The following MUC3A variants were observed in gnomAD, a reference collection of about 807,000 sequenced individuals.
The protein encoded by MUC3A is mucin 3A, cell surface associated.
In MUC3A, 109 loss-of-function variants were observed where a neutral mutation model predicts 109.0. That is an observed-to-expected ratio of 1.00 (90% confidence interval 0.86 to 1.17). The LOEUF (loss-of-function observed/expected upper bound fraction) is 1.17, where lower values mean the gene tolerates loss of function less well. Ranked by LOEUF, MUC3A falls within the 50% of genes most tolerant of loss-of-function variation. The probability of loss-of-function intolerance (pLI) is 0.00; values close to 1 mark genes in which losing one functional copy is unlikely to be tolerated. For synonymous variants in MUC3A, 1,398 were observed against 981.4 expected (o/e 1.42, Z -7.93); for missense variants, 3,537 against 2,469.4 (o/e 1.43, Z -9.16).
At position 100,967,719 on chromosome 7, in the gene MUC3A, A is replaced by G; in HGVS notation, c.*557A>G. ...TGCATCTCTTGCTCTCATTCCTTAGACGTCCTCCCCTTTTGACCCCGTTCC... is the reference window on the plus strand; with the variant it reads ...TGCATCTCTTGCTCTCATTCCTTAGGCGTCCTCCCCTTTTGACCCCGTTCC... On this transcript the variant is annotated 3_prime_UTR_variant, in exon 12 of 12. Coordinates refer to ENST00000379458, the MANE Select transcript of MUC3A (RefSeq NM_005960.2). 1 of 191,238 alleles carries G rather than the reference A, an allele frequency of 5.2e-6. No homozygotes were observed. Among genetic ancestry groups the G allele is most frequent in the South Asian group, 1.1e-4 (1 of 9,446 alleles). The allele number at this position is 191,238 out of a possible 1,614,324, so 11.8% of individuals were successfully genotyped here.
chr7:100,958,237 C>T lies in MUC3A; in HGVS notation c.6458C>T (p.Thr2153Ile). 9 of 1,575,946 alleles carry T rather than the reference C, an allele frequency of 5.7e-6. No homozygotes were observed. The highest frequency in any genetic ancestry group is 2.8e-5 in the African/African-American group (2 of 70,814). The stretch of plus-strand genomic sequence containing the variant: ...ACTTCTTCAATCACCACCACCGAGA[C>T]CACATCCCACAGTACTCCCAGCTTC... ...NFTSSITTTETTSHSTPSFTS... is the reference protein window; with the variant it reads ...NFTSSITTTEITSHSTPSFTS... Residue 2153 changes from threonine (T) to isoleucine (I), a missense_variant, in exon 2 of 12, where the codon ACC (threonine) becomes ATC (isoleucine). By Grantham distance (89) the Thr-to-Ile change is moderately conservative (BLOSUM62 -1). Coordinates refer to ENST00000379458, the MANE Select transcript of MUC3A (RefSeq NM_005960.2).
At position 100,965,859 on chromosome 7, in the gene MUC3A, A is replaced by AC; in HGVS notation, c.9605dup (p.Cys3203ValfsTer74). The AC allele has an allele frequency of 6.3e-7, 1 of 1,594,130 alleles. No individual in the cohort carries two copies. Among genetic ancestry groups the AC allele is most frequent in the Admixed American group, 1.7e-5 (1 of 59,728 alleles). On this transcript the variant is annotated frameshift_variant, in exon 8 of 12. Coordinates refer to ENST00000379458, the MANE Select transcript of MUC3A (RefSeq NM_005960.2). LOFTEE classifies it high-confidence loss of function. ...GTGCGTTCTGGAGACGAGCGGTCCC[A>AC]CGTGTCGGTAAGGCCCCGCTCACCA...
rs1453912468 is a variant in MUC3A at position 100,949,695 on chromosome 7, A to G, written c.61+10A>G. 2.0e-6 allele frequency: 3 copies of G among 1,529,834 alleles called. No homozygotes were observed. Among genetic ancestry groups the G allele is most frequent in the East Asian group, 4.8e-5 (2 of 41,928 alleles). 94.8% of individuals were successfully genotyped at this position (1,529,834 alleles called of 1,614,324 possible). A position where few individuals can be genotyped will look rare whatever the true frequency, so the allele number is the denominator to read the frequency against. Reference sequence around the variant, plus strand: ...TCCCCGTGGGCCACAGGTAAGGGGGAGAGGCGGAAGGGGGTTGGAGAAAAG... The same window carrying G: ...TCCCCGTGGGCCACAGGTAAGGGGGGGAGGCGGAAGGGGGTTGGAGAAAAG... On this transcript the variant is annotated intron_variant, in intron 1 of 11. Coordinates refer to ENST00000379458, the MANE Select transcript of MUC3A (RefSeq NM_005960.2).
intron 8 of MUC3A, chr7:100,966,127 C>CTGGGGTGGAGCCCCGCCCCCTT (rs1792536872): frequency 5.5e-6 from 2 of 362,872 alleles, no homozygotes; most frequent in Non-Finnish European, 8.2e-6. Flanking sequence ...CCCGCCTCCT[C>CTGGGGTGGAGCCCCGCCCCCTT]GTTCTAGGGT....
chr7:100,966,230 C>A (rs76159786), intron 8 of MUC3A, 156 bp from the exon 9 acceptor site: 8 of 399,586 alleles, frequency 2.0e-5, no homozygotes, highest in African/African-American at 9.3e-5. Context: ...CCCGGCCCCT[C>A]GTTCTAGGGT....
chr7:100,964,121 G>A, intron 5 of MUC3A: 1 of 399,486 alleles, frequency 2.5e-6, no homozygotes, highest in Non-Finnish European at 4.6e-6. Flanking sequence ...GCGCCCGGTG[G>A]ATGATGGCTT....
Position 100,958,037 on chromosome 7 carries a change from C to A in MUC3A, c.6258C>A (p.Pro2086=), listed in dbSNP as rs1383753044. 695 of 85,610 alleles carry A rather than the reference C, an allele frequency of 8.1e-3. 6 individuals are homozygous for A. Among genetic ancestry groups the A allele is most frequent in the African/African-American group, 0.011 (29 of 2,548 alleles). 5.3% of individuals were successfully genotyped at this position (85,610 alleles called of 1,614,324 possible). A position where few individuals can be genotyped will look rare whatever the true frequency, so the allele number is the denominator to read the frequency against. Reference sequence around the variant, plus strand: ...CCTCAATCACCACCACCGAGACCCCCTCACACAGTACTCTCAGCTTCACTT... The same window carrying A: ...CCTCAATCACCACCACCGAGACCCCATCACACAGTACTCTCAGCTTCACTT... ...YTTSITTTET[P]SHSTLSFTSS... The change falls in exon 2 of 12, where the codon CCC becomes CCA. Residue 2086 remains proline (P), a synonymous_variant. Coordinates refer to ENST00000379458, the MANE Select transcript of MUC3A (RefSeq NM_005960.2).
chr7:100,951,347 G>A (rs1397833910), intron 1 of MUC3A, among the ~76,000 whole-genome samples: 1 of 152,298 alleles, frequency 6.6e-6, no homozygotes, highest in Non-Finnish European at 1.5e-5. Context: ...CCCCCTGCCA[G>A]GACATGGCTG....
chr7:100,960,136 G>A lies in MUC3A; in HGVS notation c.8357G>A (p.Cys2786Tyr), dbSNP rs763254342. ...TIVPASPTDP[C>Y]VEMDPSTEAT... ...GTCCCTGCCTCCCCCACTGATCCATGTGTTGAAATGGATCCCAGCACTGAA... is the reference window on the plus strand; with the variant it reads ...GTCCCTGCCTCCCCCACTGATCCATATGTTGAAATGGATCCCAGCACTGAA... The change falls in exon 2 of 12, where the codon TGT becomes TAT. Residue 2786 changes from cysteine to tyrosine, a missense_variant. Transcript: ENST00000379458. 4.1e-5 allele frequency: 64 copies of A among 1,551,640 alleles called. No individual in the cohort carries two copies. The highest frequency in any genetic ancestry group is 5.5e-5 in the Non-Finnish European group (63 of 1,154,848).
In MUC3A at chr7:100,966,281, C is replaced by T. The variant is rs1330320566; in HGVS notation, c.9612-105C>T. 24 of 909,052 alleles carry T rather than the reference C, an allele frequency of 2.6e-5. No homozygotes were observed. The African/African-American group carries it at 7.4e-4, about 28-fold the overall frequency. The allele number at this position is 909,052 out of a possible 1,614,324, so 56.3% of individuals were successfully genotyped here. ...TGTCTAGGGTGGAACCCCCCGCTGCCCTAGGCTGGAGCCCCGCCCCCTCAC... is the reference window on the plus strand; with the variant it reads ...TGTCTAGGGTGGAACCCCCCGCTGCTCTAGGCTGGAGCCCCGCCCCCTCAC... On this transcript the variant is annotated intron_variant, in intron 8 of 11. Coordinates refer to ENST00000379458, the MANE Select transcript of MUC3A (RefSeq NM_005960.2).
intron 3 of MUC3A, among the ~76,000 whole-genome samples, chr7:100,961,177 G>A (rs13223961): frequency 0.15 from 21,824 of 143,846 alleles, no homozygotes; most frequent in Non-Finnish European, 0.17. Flanking sequence ...GCTGCTTGGA[G>A]CTGTATCAGT....
chr7:100,960,559 C>A lies in MUC3A; in HGVS notation c.8780C>A (p.Thr2927Asn), dbSNP rs1447269162. Residue 2927 changes from threonine (T) to asparagine (N), a missense_variant, in exon 2 of 12, where the codon ACC becomes AAC. Transcript: ENST00000379458. ...ACTTCAGAGACACCAGTGGCCACTA[C>A]CCAGACTCCTACCACCCTTACATCA... ...TRTSETPVAT[T>N]QTPTTLTSRR... 6 of 1,598,626 alleles carry A rather than the reference C, an allele frequency of 3.8e-6. No individual in the cohort carries two copies. The African/African-American group carries it at 8.0e-5, about 21-fold the overall frequency.
rs970460527 is a variant in MUC3A at position 100,953,124 on chromosome 7, A to G, written c.1345A>G (p.Thr449Ala). 2.7e-6 allele frequency: 2 copies of G among 750,136 alleles called. No homozygotes were observed. 46.5% of individuals were successfully genotyped at this position (750,136 alleles called of 1,614,324 possible). ...LSTDIPFTTPTTITHHSVGST... is the reference protein window; with the variant it reads ...LSTDIPFTTPATITHHSVGST... ...TACAGACATCCCTTTCACAACACCA[A>G]CAACTATCACCCACCATTCTGTGGG... The change falls in exon 2 of 12, where the codon ACA (threonine) becomes GCA (alanine). Residue 449 changes from threonine (T) to alanine (A), a missense_variant. Physicochemically the swap from Thr to Ala is moderately conservative, Grantham distance 58. Coordinates refer to ENST00000379458, the MANE Select transcript of MUC3A (RefSeq NM_005960.2).
chr7:100,957,840 C>T lies in MUC3A; in HGVS notation c.6061C>T (p.His2021Tyr). Reference protein sequence around the residue: ...SSITTTETTSHNTPSLTSSIT... With the variant: ...SSITTTETTSYNTPSLTSSIT... ...CATCACCACCACTGAGACCACATCC[C>T]ACAATACTCCCAGCTTGACTTCTTC... Residue 2021 changes from histidine to tyrosine, a missense_variant, in exon 2 of 12, where the codon CAC becomes TAC. Transcript: ENST00000379458. 1 of 761,120 alleles carries T rather than the reference C, an allele frequency of 1.3e-6. No homozygotes were observed. The highest frequency in any genetic ancestry group is 1.9e-5 in the Admixed American group (1 of 52,676). The allele number at this position is 761,120 out of a possible 1,614,324, so 47.1% of individuals were successfully genotyped here. A position where few individuals can be genotyped will look rare whatever the true frequency, so the allele number is the denominator to read the frequency against.
At chr7:100,961,165 G>A (rs1016265224) in intron 3 of MUC3A, among the ~76,000 whole-genome samples, 8 of 152,304 alleles carry the variant, frequency 5.3e-5, no homozygotes, top group African/African-American at 1.9e-4. Flanking sequence ...CTCCTGACTT[G>A]GGCTGCTTGG....
intron 11 of MUC3A, 69 bp from the exon 12 acceptor site, chr7:100,967,052 C>T: frequency 6.3e-7 from 1 of 1,598,480 alleles, no homozygotes; most frequent in South Asian, 1.1e-5. Flanking sequence ...GGGCTCGGAT[C>T]AGCAGTGACC....
In MUC3A at chr7:100,956,981, C is replaced by T. The variant is rs1211711986; in HGVS notation, c.5202C>T (p.Ala1734=). 10 of 433,682 alleles carry T rather than the reference C, an allele frequency of 2.3e-5. No homozygotes were observed. In the East Asian group the frequency reaches 3.4e-4, roughly 15 times the overall value. The allele number at this position is 433,682 out of a possible 1,614,324, so 26.9% of individuals were successfully genotyped here. ...TGQTTFTSST[A]TSPKTTTLTP... ...AGACTACATTCACCAGTTCAACAGC[C>T]ACATCCCCTAAGACCACCACACTGA... The change falls in exon 2 of 12, where the codon GCC becomes GCT. Residue 1734 remains alanine (A), a synonymous_variant. Transcript: ENST00000379458.
At chr7:100,950,695 G>A (rs1048953265) in intron 1 of MUC3A, among the ~76,000 whole-genome samples, 9 of 152,308 alleles carry the variant, frequency 5.9e-5, no homozygotes, top group African/African-American at 1.9e-4. Flanking sequence ...CCGGATCTCT[G>A]ATCCTAACTC....
Position 100,959,932 on chromosome 7 carries a change from G to A in MUC3A, c.8153G>A (p.Ser2718Asn), listed in dbSNP as rs745836869. The change falls in exon 2 of 12, where the codon AGT becomes AAT. Residue 2718 changes from serine to asparagine, a missense_variant. By Grantham distance (46) the Ser-to-Asn change is conservative. Coordinates refer to ENST00000379458, the MANE Select transcript of MUC3A (RefSeq NM_005960.2). ...GTTCCTTCTTCACCATACATTTTCA[G>A]TACAGAAAATGTGGGCTCCGCTTCT... ...HSVPSSPYIFSTENVGSASIT... is the reference protein window; with the variant it reads ...HSVPSSPYIFNTENVGSASIT... The A allele has an allele frequency of 4.0e-6, 6 of 1,511,910 alleles. No individual in the cohort carries two copies. The highest frequency in any genetic ancestry group is 1.3e-5 in the South Asian group (1 of 75,128). The allele number at this position is 1,511,910 out of a possible 1,614,324, so 93.7% of individuals were successfully genotyped here. A position where few individuals can be genotyped will look rare whatever the true frequency, so the allele number is the denominator to read the frequency against.
Sources: allele counts gnomAD v4.1 joint callset (sites outside exome capture counted in the v4.1 genomes callset), GRCh38; gene constraint gnomAD v4.1.1; transcripts MANE v1.5; gene names NCBI Gene and HGNC (gene_info 2026-07-23, HGNC 2026-07-21).